The following BBS9 variants were observed in gnomAD, a reference collection of about 807,000 sequenced individuals.
BBS9 encodes protein PTHB1.
BBS9 carries 89 observed loss-of-function variants against 117.7 expected under a neutral mutation model. The observed-to-expected ratio is 0.76, with a 90% CI of 0.64 to 0.90. The LOEUF (loss-of-function observed/expected upper bound fraction) is 0.90, where lower values mean the gene tolerates loss of function less well. Ranked by LOEUF, BBS9 falls within the 40% of genes least tolerant of loss-of-function variation. The pLI, the probability that BBS9 is intolerant of heterozygous loss-of-function variation, is 0.00. For synonymous variants in BBS9, 379 were observed against 370.9 expected (o/e 1.02, Z -0.25); for missense variants, 982 against 1,042.2 (o/e 0.94, Z 0.80).
chr7:33,350,567 T>C (rs1254179621), intron 13 of BBS9, among the ~76,000 whole-genome samples: 2 of 152,210 alleles, frequency 1.3e-5, no homozygotes, highest in Admixed American at 1.3e-4. Flanking sequence ...GTTCTACCCA[T>C]GATAAATTGC....
rs1329770015 is a variant in BBS9, at chr7:33,349,055, T to C, written c.1330-13T>C. On this transcript the variant is annotated splice_polypyrimidine_tract_variant and intron_variant, in intron 12 of 22. Coordinates refer to ENST00000242067, the MANE Select transcript of BBS9 (RefSeq NM_198428.3). The stretch of plus-strand genomic sequence containing the variant: ...ATGTAATTTTCTATTGATAACAATT[T>C]CTGTTTCCTTAGGTCACACTGCAGA... 6.5e-7 allele frequency: 1 copy of C among 1,549,552 alleles called. No individual in the cohort carries two copies. The highest frequency in any genetic ancestry group is 8.9e-7 in the Non-Finnish European group (1 of 1,121,706).
intron 19 of BBS9, among the ~76,000 whole-genome samples, chr7:33,414,965 A>G (rs1369152776): frequency 6.6e-6 from 1 of 152,188 alleles, no homozygotes; most frequent in African/African-American, 2.4e-5. Flanking sequence ...TCACAACTTC[A>G]AATTGAAGCC....
chr7:33,151,064 C>G (rs1232153617), intron 2 of BBS9, among the ~76,000 whole-genome samples: 1 of 152,140 alleles, frequency 6.6e-6, no homozygotes, highest in African/African-American at 2.4e-5. Context: ...CCAGCCCAGA[C>G]AACATGGCAA....
chr7:33,167,366 T>C lies in BBS9; in HGVS notation c.329-10112T>C, dbSNP rs563479070. The stretch of plus-strand genomic sequence containing the variant: ...TGTCCTGCTTGGGTTAGCAGTTTTA[T>C]AAACTAGTCAGTCTGTTCATTAAAG... On this transcript the variant is annotated intron_variant, in intron 4 of 22. Transcript: ENST00000242067. Among the ~76,000 whole-genome samples the C allele has an allele frequency of 1.4e-4, 21 of 152,208 alleles. 1 individual carries two copies. The South Asian group carries it at 4.3e-3, about 32-fold the overall frequency.
chr7:33,615,854 T>A (rs934348301), intron 21 of BBS9, among the ~76,000 whole-genome samples: 4 of 151,978 alleles, frequency 2.6e-5, no homozygotes, highest in African/African-American at 4.8e-5. Flanking sequence ...GAGAAAATAA[T>A]CCTATCCACT....
chr7:33,525,497 AT>A (rs1282050517), intron 20 of BBS9, among the ~76,000 whole-genome samples: 4 of 104,350 alleles, frequency 3.8e-5, no homozygotes, highest in Non-Finnish European at 7.4e-5. Context: ...CTTTACCATT[AT>A]GTAATGGCCT....
At chr7:33,500,301 A>G (rs1191970680) in intron 19 of BBS9, among the ~76,000 whole-genome samples, 1 of 152,216 alleles carries the variant, frequency 6.6e-6, no homozygotes, top group Non-Finnish European at 1.5e-5. Flanking sequence ...TCACTGGATT[A>G]TTTTATGGGG....
intron 9 of BBS9, among the ~76,000 whole-genome samples, chr7:33,301,368 C>T (rs1370235800): frequency 2.0e-5 from 3 of 151,750 alleles, no homozygotes; most frequent in Admixed American, 6.6e-5. Flanking sequence ...AAGTCTTAGT[C>T]ATTCTTTCTA....
At chr7:33,509,262 T>C (rs1306223414) in intron 20 of BBS9, among the ~76,000 whole-genome samples, 2 of 152,188 alleles carry the variant, frequency 1.3e-5, no homozygotes, top group African/African-American at 4.8e-5. Context: ...AAAGGAAACC[T>C]TTTTCATTCT....
chr7:33,174,299 G>A (rs1425685171), intron 4 of BBS9, among the ~76,000 whole-genome samples: 1 of 152,174 alleles, frequency 6.6e-6, no homozygotes, highest in East Asian at 1.9e-4. Context: ...CAGCTCTCCT[G>A]GGGGTTGTTA....
At chr7:33,396,970 C>T (rs752417766) in intron 19 of BBS9, among the ~76,000 whole-genome samples, 6 of 152,060 alleles carry the variant, frequency 3.9e-5, no homozygotes, top group Non-Finnish European at 8.8e-5. Context: ...TGAAACTGGA[C>T]CTCTTCCTTA....
chr7:33,595,569 A>C (rs1862609000), intron 21 of BBS9, among the ~76,000 whole-genome samples: 1 of 152,094 alleles, frequency 6.6e-6, no homozygotes, highest in African/African-American at 2.4e-5. Context: ...AAATAGGAAC[A>C]CTTTTACACT....
intron 15 of BBS9, among the ~76,000 whole-genome samples, chr7:33,355,680 T>G (rs1442817751): frequency 6.6e-6 from 1 of 152,000 alleles, no homozygotes; most frequent in African/African-American, 2.4e-5. Context: ...GTGTGTGATA[T>G]TGTCATTAAC....
At chr7:33,401,939 G>A (rs1460551034) in intron 19 of BBS9, among the ~76,000 whole-genome samples, 5 of 152,148 alleles carry the variant, frequency 3.3e-5, no homozygotes, top group East Asian at 3.9e-4. Context: ...ATCATGTGAT[G>A]TTATGCCAGA....
chr7:33,630,029 C>T (rs1865810527), intron 21 of BBS9, among the ~76,000 whole-genome samples: 1 of 151,468 alleles, frequency 6.6e-6, no homozygotes, highest in African/African-American at 2.4e-5. Flanking sequence ...TGAAACCTAG[C>T]ACAGCTCCCA....
chr7:33,305,446 C>T (rs1807685633), intron 9 of BBS9, among the ~76,000 whole-genome samples: 1 of 152,070 alleles, frequency 6.6e-6, no homozygotes. Context: ...AGGAAGTATT[C>T]CTTCCTCCTC....
At chr7:33,230,388 T>TA (rs1792124347) in intron 5 of BBS9, among the ~76,000 whole-genome samples, 2 of 152,208 alleles carry the variant, frequency 1.3e-5, no homozygotes, top group South Asian at 4.1e-4. Context: ...TTCCTGGTCT[T>TA]ATATTTAGGT....
At chr7:33,621,499 C>T (rs767735775) in intron 21 of BBS9, among the ~76,000 whole-genome samples, 51 of 152,168 alleles carry the variant, frequency 3.4e-4, no homozygotes, top group Non-Finnish European at 6.5e-4. Flanking sequence ...TATCACCTCA[C>T]ACCTTTTAGA....
intron 21 of BBS9, among the ~76,000 whole-genome samples, chr7:33,550,478 C>T (rs1348561524): frequency 6.6e-6 from 1 of 152,090 alleles, no homozygotes; most frequent in Non-Finnish European, 1.5e-5. Context: ...ACAATTTGGC[C>T]TATTCCTCTG....
Sources: allele counts gnomAD v4.1 joint callset (sites outside exome capture counted in the v4.1 genomes callset), GRCh38; gene constraint gnomAD v4.1.1; transcripts MANE v1.5; gene names NCBI Gene and HGNC (gene_info 2026-07-23, HGNC 2026-07-21).